Variants in SHC4 observed in about 807,000 individuals in gnomAD.
The protein encoded by SHC4 is SHC adaptor protein 4, also known as SHC-transforming protein 4.
In SHC4, 41 loss-of-function variants were observed where a neutral mutation model predicts 69.4. The observed-to-expected ratio is 0.59, with a 90% CI of 0.46 to 0.77. The LOEUF is 0.77. Ranked by LOEUF, SHC4 falls within the 30% of genes least tolerant of loss-of-function variation. SHC4 has a pLI of 0.00. For synonymous variants in SHC4, 318 were observed against 299.3 expected (o/e 1.06, Z -0.64); for missense variants, 777 against 783.8 (o/e 0.99, Z 0.10).
intron 9 of SHC4, among the ~76,000 whole-genome samples, chr15:48,846,674 T>A (rs1899099264): frequency 6.6e-6 from 1 of 152,158 alleles, no homozygotes; most frequent in African/African-American, 2.4e-5. Context: ...CTAGAACGCA[T>A]CCAATTTGTG....
rs537010001 is a variant in SHC4, at chr15:48,910,819, G to A, written c.656+14060C>T. ...AAATTTCCATCTTGATTTCGTTTTT[G>A]ACCCAAATGCTCATGCAAGAGCAGG... On this transcript the variant is annotated intron_variant, in intron 2 of 11. Transcript: ENST00000332408. Among the ~76,000 whole-genome samples the A allele has an allele frequency of 5.9e-5, 9 of 152,178 alleles. No homozygotes were observed. The South Asian group carries it at 1.9e-3, about 32-fold the overall frequency.
intron 2 of SHC4, among the ~76,000 whole-genome samples, chr15:48,913,616 G>A (rs1479635756): frequency 6.6e-6 from 1 of 152,116 alleles, no homozygotes; most frequent in Non-Finnish European, 1.5e-5. Flanking sequence ...TTCTGGCCAG[G>A]AGGCTTCTCA....
At chr15:48,843,620 G>GT in intron 9 of SHC4, 32 bp from the exon 10 acceptor site, 1 of 1,564,288 alleles carries the variant, frequency 6.4e-7, no homozygotes, top group South Asian at 1.2e-5. Flanking sequence ...AATACATTAT[G>GT]TTTTTTCTTT....
intron 1 of SHC4, among the ~76,000 whole-genome samples, chr15:48,961,636 A>G (rs879860285): frequency 2.0e-5 from 3 of 152,170 alleles, no homozygotes; most frequent in Non-Finnish European, 4.4e-5. Flanking sequence ...CTTTTTTCTG[A>G]ATTCCCTCAG....
intron 1 of SHC4, among the ~76,000 whole-genome samples, chr15:48,937,770 C>T (rs1032973273): frequency 6.6e-6 from 1 of 152,116 alleles, no homozygotes; most frequent in African/African-American, 2.4e-5. Flanking sequence ...TTGCTGCATC[C>T]AATACCTAAG....
At chr15:48,863,212 T>C (rs959599747) in intron 6 of SHC4, among the ~76,000 whole-genome samples, 2 of 151,988 alleles carry the variant, frequency 1.3e-5, no homozygotes, top group African/African-American at 4.8e-5. Context: ...CAAGAAGAAA[T>C]AAAAATTACA....
intron 8 of SHC4, among the ~76,000 whole-genome samples, chr15:48,854,929 T>C (rs1899283291): frequency 6.6e-6 from 1 of 152,160 alleles, no homozygotes; most frequent in South Asian, 2.1e-4. Flanking sequence ...GATATGTTGA[T>C]GTAACAAACC....
Position 48,878,348 on chromosome 15 carries a change from A to G in SHC4, c.840+5900T>C, listed in dbSNP as rs1390981014. ...CCAACAGCTCGAGGAGGAAGGCCCA[A>G]TGGAGGAGGAGGAGGCCCAGCCAAT... is the stretch of plus-strand genomic sequence containing the variant. On this transcript the variant is annotated intron_variant, in intron 4 of 11. Coordinates refer to ENST00000332408, the MANE Select transcript of SHC4 (RefSeq NM_203349.4). 8 of 1,613,584 alleles carry G rather than the reference A, an allele frequency of 5.0e-6. No individual in the cohort carries two copies. The Admixed American group carries it at 5.0e-5, about 10-fold the overall frequency.
Position 48,852,174 on chromosome 15 carries a change from A to C in SHC4, c.1243-926T>G, listed in dbSNP as rs114962075. On this transcript the variant is annotated intron_variant, in intron 8 of 11. Transcript: ENST00000332408. ...CAGCTAGAGAGATACATAAGAGCCA[A>C]AGACAGAGAAGGTAGAGGAAGTGTG... Among the ~76,000 whole-genome samples, 917 of 152,326 alleles carry C rather than the reference A, an allele frequency of 6.0e-3. 6 individuals are homozygous for C. The highest frequency in any genetic ancestry group is 0.018 in the African/African-American group (766 of 41,572).
At chr15:48,934,353 C>G (rs1277870657) in intron 1 of SHC4, among the ~76,000 whole-genome samples, 1 of 152,050 alleles carries the variant, frequency 6.6e-6, no homozygotes, top group Non-Finnish European at 1.5e-5. Context: ...TATAATTTAC[C>G]ATTGGGAAAT....
At chr15:48,928,075 G>A (rs933830799) in intron 1 of SHC4, among the ~76,000 whole-genome samples, 11 of 152,132 alleles carry the variant, frequency 7.2e-5, no homozygotes, top group African/African-American at 2.7e-4. Flanking sequence ...GGGCTAGGGC[G>A]AGCCGAGGGA....
chr15:48,943,199 A>G (rs1901206346), intron 1 of SHC4, among the ~76,000 whole-genome samples: 1 of 152,152 alleles, frequency 6.6e-6, no homozygotes, highest in African/African-American at 2.4e-5. Flanking sequence ...TTAGATCTCT[A>G]GACCTATTCA....
chr15:48,903,049 A>T (rs527951529), intron 2 of SHC4, among the ~76,000 whole-genome samples: 1 of 152,240 alleles, frequency 6.6e-6, no homozygotes, highest in Non-Finnish European at 1.5e-5. Context: ...CATAAGAGAC[A>T]CAGATGATCT....
chr15:48,852,057 G>C (rs901714614), intron 8 of SHC4, among the ~76,000 whole-genome samples: 1 of 152,332 alleles, frequency 6.6e-6, no homozygotes, highest in South Asian at 2.1e-4. Context: ...ATAAACCTGA[G>C]TAAATCAGTA....
intron 2 of SHC4, among the ~76,000 whole-genome samples, chr15:48,918,862 T>A (rs1900680604): frequency 6.6e-6 from 1 of 152,242 alleles, no homozygotes. Context: ...ATCTATTTTA[T>A]ATCTTCTCTC....
intron 1 of SHC4, among the ~76,000 whole-genome samples, chr15:48,942,554 G>C (rs1372656527): frequency 2.6e-5 from 4 of 151,496 alleles, no homozygotes; most frequent in Admixed American, 2.6e-4. Flanking sequence ...TTCCTTTAAA[G>C]TCTGCTAGCA....
chr15:48,942,099 T>C (rs1211908698), intron 1 of SHC4, among the ~76,000 whole-genome samples: 2 of 152,132 alleles, frequency 1.3e-5, no homozygotes, highest in Non-Finnish European at 2.9e-5. Context: ...CTTCAGTAAC[T>C]GTAGGGTTGC....
At chr15:48,841,017 G>A (rs1025478117) in intron 10 of SHC4, among the ~76,000 whole-genome samples, 6 of 149,884 alleles carry the variant, frequency 4.0e-5, no homozygotes, top group African/African-American at 1.5e-4. Flanking sequence ...TAGAAATTTT[G>A]TTATGTATTA....
chr15:48,922,424 A>T (rs1245717916), intron 2 of SHC4, among the ~76,000 whole-genome samples: 3 of 152,218 alleles, frequency 2.0e-5, no homozygotes, highest in Non-Finnish European at 4.4e-5. Flanking sequence ...ATAGAAATGT[A>T]TTTCTTAGAC....
Sources: gnomAD v4.1 joint callset for allele counts (sites outside exome capture counted in the v4.1 genomes callset) on GRCh38, gnomAD v4.1.1 for gene constraint, MANE v1.5 for transcripts, NCBI Gene and HGNC (gene_info 2026-07-23, HGNC 2026-07-21) for gene names.